EP400: variants seen among roughly 807,000 people sequenced by gnomAD.
The protein encoded by EP400 is E1A binding protein p400.
A neutral mutation model predicts 354.1 loss-of-function variants in EP400; 105 were observed. The observed-to-expected ratio is 0.30, with a 90% CI of 0.25 to 0.35. The LOEUF (loss-of-function observed/expected upper bound fraction) is 0.35, where lower values mean the gene tolerates loss of function less well. EP400 is among the 10% of genes least tolerant of loss of function. The pLI is 1.00. For missense variants in EP400, 3,280 were observed against 4,121.0 expected (o/e 0.80, Z 5.59); for synonymous variants, 1,646 against 1,716.9 (o/e 0.96, Z 1.02).
At chr12:131,957,268 G>C (rs925870832) in intron 1 of EP400, among the ~76,000 whole-genome samples, 1 of 151,972 alleles carries the variant, frequency 6.6e-6, no homozygotes, top group Non-Finnish European at 1.5e-5. Context: ...GCTTTTTGTC[G>C]TACCTAGTTC....
At chr12:132,002,659 C>G (rs1893455458) in intron 12 of EP400, among the ~76,000 whole-genome samples, 1 of 152,218 alleles carries the variant, frequency 6.6e-6, no homozygotes, top group Non-Finnish European at 1.5e-5. Context: ...TGTCCGAGAG[C>G]AAATATCCAT....
intron 45 of EP400, among the ~76,000 whole-genome samples, chr12:132,058,642 G>A (rs888945588): frequency 1.3e-5 from 2 of 152,092 alleles, no homozygotes; most frequent in Admixed American, 6.5e-5. Context: ...GAGCCACCGC[G>A]CCCAGCCTAG....
chr12:132,044,534 C>T, intron 35 of EP400, 137 bp from the exon 36 acceptor site: 4 of 1,216,904 alleles, frequency 3.3e-6, no homozygotes, highest in Non-Finnish European at 3.5e-6. Context: ...CTGATTAAAA[C>T]ATTTATAAGT....
chr12:132,035,442 G>A (rs756285595), intron 30 of EP400, among the ~76,000 whole-genome samples: 1 of 152,234 alleles, frequency 6.6e-6, no homozygotes, highest in African/African-American at 2.4e-5. Context: ...ACAGCAAAAT[G>A]CAGAGAAGTG....
At chr12:132,065,121 A>C (rs1895846892) in intron 48 of EP400, 8 of 734,414 alleles carry the variant, frequency 1.1e-5, no homozygotes, top group Non-Finnish European at 1.7e-5. Context: ...CAGGGCTTGA[A>C]TTGAGGGGGG....
intron 16 of EP400, among the ~76,000 whole-genome samples, chr12:132,012,298 T>G (rs757494619): frequency 1.3e-5 from 2 of 152,222 alleles, no homozygotes; most frequent in Non-Finnish European, 2.9e-5. Flanking sequence ...TATAGAAATT[T>G]ATTTCTCACA....
chr12:132,027,084 G>A lies in EP400; in HGVS notation c.5015-353G>A, dbSNP rs1894332834. 6.6e-6 allele frequency among the ~76,000 whole-genome samples: 1 copy of A among 152,196 alleles called. No homozygotes were observed. Among genetic ancestry groups the A allele is most frequent in the African/African-American group, 2.4e-5 (1 of 41,448 alleles). On this transcript the variant is annotated intron_variant, in intron 25 of 52. Transcript: ENST00000389561. This position sits in a 1 kb window ranked among gnomAD's most constrained non-coding sequence, Gnocchi z 4.9. ...CAGGCGGTCACCTGGGCTAGGAGGT[G>A]GCCATGTGCTGATGGCGATGGGGTA...
At position 131,961,963 on chromosome 12, in the gene EP400, C is replaced by T. The variant is rs1891898470; in HGVS notation, c.1335+9C>T. The T allele has an allele frequency of 6.2e-7, 1 of 1,604,794 alleles. No individual in the cohort carries two copies. Among genetic ancestry groups the T allele is most frequent in the Non-Finnish European group, 8.5e-7 (1 of 1,176,342 alleles). On this transcript the variant is annotated intron_variant, in intron 2 of 52. Coordinates refer to ENST00000389561, the MANE Select transcript of EP400 (RefSeq NM_015409.5). Reference sequence around the variant, plus strand: ...AGGTTATCAATGACGAGGTAAGAAACAGGAGTTAATTTGTTTAGTACAAAT... The same window carrying T: ...AGGTTATCAATGACGAGGTAAGAAATAGGAGTTAATTTGTTTAGTACAAAT...
chr12:131,981,529 G>C lies in EP400; in HGVS notation c.1476G>C (p.Gly492=). 6.3e-7 allele frequency: 1 copy of C among 1,597,852 alleles called. No individual in the cohort carries two copies. The highest frequency in any genetic ancestry group is 2.2e-5 in the East Asian group (1 of 44,458). The part of the protein sequence containing the change: ...KRPRLEVGHQ[G]VVFQHPGADA... ...CTCGCCTTGAAGTGGGTCACCAAGG[G>C]GTAGTTTTCCAGCACCCAGGGGCGG... The change falls in exon 4 of 53, where the codon GGG becomes GGC. Residue 492 remains glycine, a synonymous_variant. Coordinates refer to ENST00000389561, the MANE Select transcript of EP400 (RefSeq NM_015409.5).
chr12:131,969,797 C>G (rs1253025519), intron 2 of EP400, among the ~76,000 whole-genome samples: 1 of 152,130 alleles, frequency 6.6e-6, no homozygotes, highest in African/African-American at 2.4e-5. Context: ...CGCCTGTAAT[C>G]CCAGCACTTT....
In EP400 at chr12:132,013,953, C is replaced by G; in HGVS notation, c.3923+40C>G. 6.2e-7 allele frequency: 1 copy of G among 1,603,102 alleles called. No individual in the cohort carries two copies. Among genetic ancestry groups the G allele is most frequent in the Non-Finnish European group, 8.5e-7 (1 of 1,175,086 alleles). ...TGGGCATGTGCCCCCTTTGCTGTCC[C>G]TGCCTGTGAGGGAAAACGGCCCTTT... is the stretch of plus-strand genomic sequence containing the variant. On this transcript the variant is annotated intron_variant, in intron 19 of 52. Coordinates refer to ENST00000389561, the MANE Select transcript of EP400 (RefSeq NM_015409.5). The surrounding 1 kb of genome is among the most constrained non-coding windows in gnomAD (Gnocchi z 4.5).
chr12:132,050,950 G>A lies in EP400; in HGVS notation c.7394+295G>A. 1.9e-6 allele frequency: 1 copy of A among 517,046 alleles called. No individual in the cohort carries two copies. Among genetic ancestry groups the A allele is most frequent in the South Asian group, 2.3e-5 (1 of 44,194 alleles). 32.0% of individuals were successfully genotyped at this position (517,046 alleles called of 1,614,324 possible). On this transcript the variant is annotated intron_variant, in intron 41 of 52. Coordinates refer to ENST00000389561, the MANE Select transcript of EP400 (RefSeq NM_015409.5). The surrounding 1 kb of genome is among the most constrained non-coding windows in gnomAD (Gnocchi z 4.8). ...CCAGGGCCATGTGGCCAACCACAAG[G>A]GGCTTTCTTCCTCACACCCCACCTC...
intron 9 of EP400, among the ~76,000 whole-genome samples, chr12:131,991,059 A>G (rs1893016030): frequency 1.3e-5 from 2 of 152,170 alleles, no homozygotes; most frequent in African/African-American, 2.4e-5. Flanking sequence ...TTTCTTCGGC[A>G]GCTGCCTCCG....
At position 132,055,195 on chromosome 12, in the gene EP400, C is replaced by T; in HGVS notation, c.7871C>T (p.Pro2624Leu). Reference sequence around the variant, plus strand: ...AAGCGCCTGGCGTCGCCAGTGGCTCCTGGGGCCTTGACTGTGAGTTGCGCT... The same window carrying T: ...AAGCGCCTGGCGTCGCCAGTGGCTCTTGGGGCCTTGACTGTGAGTTGCGCT... ...INKRLASPVAPGALTTPGGSA... is the reference protein window; with the variant it reads ...INKRLASPVALGALTTPGGSA... The change falls in exon 45 of 53, where the codon CCT becomes CTT. Residue 2624 changes from proline to leucine, a missense_variant. Physicochemically the swap from Pro to Leu is moderately conservative, Grantham distance 98. This residue lies in a region of EP400 where 255 missense variants were observed against 295.9 expected (regional missense o/e 0.86). Transcript: ENST00000389561. The T allele has an allele frequency of 6.4e-7, 1 of 1,566,654 alleles. No homozygotes were observed. Among genetic ancestry groups the T allele is most frequent in the Non-Finnish European group, 8.7e-7 (1 of 1,155,158 alleles).
chr12:131,978,995 T>G (rs150099361), intron 2 of EP400, among the ~76,000 whole-genome samples: 5,594 of 152,106 alleles, frequency 0.037, 169 homozygotes, highest in South Asian at 0.074. Flanking sequence ...GGCAGGCGGA[T>G]CATGAGGTCA....
chr12:132,026,237 G>A (rs976675923), intron 25 of EP400, among the ~76,000 whole-genome samples: 1 of 152,196 alleles, frequency 6.6e-6, no homozygotes, highest in Non-Finnish European at 1.5e-5. Context: ...CTCTGTGCCT[G>A]CCTTGGCCCC....
chr12:131,951,310 G>A (rs1254796198), intron 1 of EP400, among the ~76,000 whole-genome samples: 1 of 150,396 alleles, frequency 6.6e-6, no homozygotes, highest in Non-Finnish European at 1.5e-5. Flanking sequence ...CCTCGCCCTC[G>A]CAAAGTGTTA....
intron 2 of EP400, among the ~76,000 whole-genome samples, chr12:131,968,448 A>G (rs1437673697): frequency 1.3e-5 from 2 of 152,200 alleles, no homozygotes; most frequent in Non-Finnish European, 2.9e-5. Flanking sequence ...TTTCTCTGCC[A>G]GTGTCACACT....
At chr12:131,950,171 C>T (rs933090428) in intron 1 of EP400, 135 bp downstream of exon 1, 1 of 151,910 alleles carries the variant, frequency 6.6e-6, no homozygotes. Flanking sequence ...CGCGTGGGGA[C>T]CAGGCCGTGG....
Sources: gnomAD v4.1 joint callset for allele counts (sites outside exome capture counted in the v4.1 genomes callset) on GRCh38, gnomAD v4.1.1 for gene constraint, gnomAD v4.1.1 regional missense constraint, Gnocchi (gnomAD v3.1) non-coding constraint, MANE v1.5 for transcripts, NCBI Gene and HGNC (gene_info 2026-07-23, HGNC 2026-07-21) for gene names.